Variants in PCP4 observed in about 807,000 individuals in gnomAD.
PCP4 encodes Purkinje cell protein 4, also known as calmodulin regulator protein PCP4.
Under a neutral mutation model 10.0 loss-of-function variants are expected in PCP4, and 8 were observed. That is an observed-to-expected ratio of 0.80 (90% CI 0.47 to 1.45). The LOEUF is 1.45. Among genes scored for constraint, PCP4 ranks in the 40% most tolerant of loss-of-function variants. PCP4 has a pLI of 0.00. For missense variants in PCP4, 54 were observed against 74.4 expected, an observed-to-expected ratio of 0.73 and a Z score of 1.01; for synonymous variants, 21 against 23.0, an observed-to-expected ratio of 0.91 and a Z score of 0.24.
chr21:39,920,402 TTGTG>T (rs766707236), intron 2 of PCP4, among the ~76,000 whole-genome samples: 21 of 149,168 alleles, frequency 1.4e-4, no homozygotes, highest in South Asian at 4.3e-4. Flanking sequence ...CGTGGTGTGT[TTGTG>T]TGAGTGTGTG....
At chr21:39,904,416 G>A (rs185404927) in intron 2 of PCP4, among the ~76,000 whole-genome samples, 84 of 152,270 alleles carry the variant, frequency 5.5e-4, no homozygotes, top group Non-Finnish European at 9.0e-4. Context: ...GTAAGGCTTC[G>A]TGTGCAAGGC....
chr21:39,876,650 G>T (rs1053910558), intron 1 of PCP4, among the ~76,000 whole-genome samples: 2 of 152,196 alleles, frequency 1.3e-5, no homozygotes, highest in South Asian at 4.1e-4. Context: ...AAGTGATGAT[G>T]TCATTATCAA....
intron 1 of PCP4, among the ~76,000 whole-genome samples, chr21:39,896,006 C>A (rs145844089): frequency 6.6e-6 from 1 of 152,166 alleles, no homozygotes; most frequent in African/African-American, 2.4e-5. Flanking sequence ...CCTTCACCTA[C>A]GACATAAATC....
rs558368535 is a variant in PCP4, at chr21:39,895,047, CCATCCATCCATT to C, written c.10-3422_10-3411del. ...TCTACTCATCTGTTCATCTATCCAT[CCATCCATCCATT>C]CATCCACACACCCATTCATCCATCC... On this transcript the variant is annotated intron_variant, in intron 1 of 2. Transcript: ENST00000328619. 7.2e-5 allele frequency among the ~76,000 whole-genome samples: 11 copies of C among 152,256 alleles called. No homozygotes were observed. In the South Asian group the frequency reaches 2.3e-3, roughly 32 times the overall value.
At chr21:39,926,009 G>A (rs746741752) in intron 2 of PCP4, 7 of 456,050 alleles carry the variant, frequency 1.5e-5, no homozygotes, top group South Asian at 1.1e-4. Context: ...TGAACCCTGT[G>A]CCACCGAGTC....
At chr21:39,880,112 A>ATATCTATATCTG (rs1390369445) in intron 1 of PCP4, among the ~76,000 whole-genome samples, 4 of 147,144 alleles carry the variant, frequency 2.7e-5, no homozygotes, top group South Asian at 2.1e-4. Flanking sequence ...ATATCTATCT[A>ATATCTATATCTG]TATCTATATC....
At chr21:39,919,772 G>T (rs2087585830) in intron 2 of PCP4, among the ~76,000 whole-genome samples, 1 of 149,986 alleles carries the variant, frequency 6.7e-6, no homozygotes, top group Non-Finnish European at 1.5e-5. Flanking sequence ...ATTTGTGTAT[G>T]TGTGGTATGT....
chr21:39,869,124 T>C (rs1048883987), intron 1 of PCP4, among the ~76,000 whole-genome samples: 3 of 152,152 alleles, frequency 2.0e-5, no homozygotes, highest in African/African-American at 4.8e-5. Flanking sequence ...AAGAGTTTCC[T>C]ATAGAAGAAG....
chr21:39,922,759 G>C (rs1471634193), intron 2 of PCP4, among the ~76,000 whole-genome samples: 1 of 152,230 alleles, frequency 6.6e-6, no homozygotes, highest in Non-Finnish European at 1.5e-5. Context: ...GTAATGGACA[G>C]GTAGCTAGAT....
At chr21:39,908,092 A>G (rs954194489) in intron 2 of PCP4, among the ~76,000 whole-genome samples, 9 of 152,184 alleles carry the variant, frequency 5.9e-5, no homozygotes, top group Non-Finnish European at 1.0e-4. Flanking sequence ...ATTTTTGTAT[A>G]CAAATTCTGG....
At chr21:39,903,682 C>T (rs1036892394) in intron 2 of PCP4, among the ~76,000 whole-genome samples, 1 of 151,870 alleles carries the variant, frequency 6.6e-6, no homozygotes, top group African/African-American at 2.4e-5. Flanking sequence ...TCCTGGCTAA[C>T]ACGGTGAAAC....
chr21:39,914,402 C>G (rs1232670534), intron 2 of PCP4, among the ~76,000 whole-genome samples: 1 of 151,696 alleles, frequency 6.6e-6, no homozygotes, highest in Non-Finnish European at 1.5e-5. Context: ...GGTGGAACAC[C>G]ATCTCTACTA....
In PCP4 at chr21:39,929,149, A is replaced by G. The variant is rs9152; in HGVS notation, c.*38A>G. Reference sequence around the variant, plus strand: ...CTCCTAGTCCACCTGAAAACACCAAATTCAACCATCATCTGTCAAGAAATT... The same window carrying G: ...CTCCTAGTCCACCTGAAAACACCAAGTTCAACCATCATCTGTCAAGAAATT... On this transcript the variant is annotated 3_prime_UTR_variant, in exon 3 of 3. Transcript: ENST00000328619. 6.3e-7 allele frequency: 1 copy of G among 1,583,704 alleles called. No homozygotes were observed. Among genetic ancestry groups the G allele is most frequent in the South Asian group, 1.1e-5 (1 of 87,264 alleles).
At chr21:39,924,597 G>C (rs117967963) in intron 2 of PCP4, among the ~76,000 whole-genome samples, 1 of 152,218 alleles carries the variant, frequency 6.6e-6, no homozygotes, top group East Asian at 1.9e-4. Context: ...GAGTACAGTG[G>C]TGCAATCATA....
intron 1 of PCP4, among the ~76,000 whole-genome samples, chr21:39,888,121 A>C (rs1338364419): frequency 6.6e-6 from 1 of 152,228 alleles, no homozygotes; most frequent in Admixed American, 6.5e-5. Context: ...GCACAAAAAG[A>C]AGACAGCACT....
At chr21:39,872,504 G>C (rs2087325380) in intron 1 of PCP4, among the ~76,000 whole-genome samples, 1 of 151,974 alleles carries the variant, frequency 6.6e-6, no homozygotes, top group Non-Finnish European at 1.5e-5. Flanking sequence ...CTTCATACTG[G>C]GAGAAAAGAA....
intron 1 of PCP4, among the ~76,000 whole-genome samples, chr21:39,890,305 A>G (rs1352012402): frequency 6.6e-6 from 1 of 152,232 alleles, no homozygotes; most frequent in Non-Finnish European, 1.5e-5. Flanking sequence ...AGACAGAAGG[A>G]AATATCGGTC....
At position 39,899,837 on chromosome 21, in the gene PCP4, C is replaced by G. The variant is rs78092402; in HGVS notation, c.61+1310C>G. Among the ~76,000 whole-genome samples, 374 of 152,148 alleles carry G rather than the reference C, an allele frequency of 2.5e-3. 1 individual carries two copies. Among genetic ancestry groups the G allele is most frequent in the African/African-American group, 8.7e-3 (363 of 41,514 alleles). ...AAGGATGGGGCTTAAAAGGGAGGAGCAATATTGTAGTTGCCTATATGAGGA... is the reference window on the plus strand; with the variant it reads ...AAGGATGGGGCTTAAAAGGGAGGAGGAATATTGTAGTTGCCTATATGAGGA... On this transcript the variant is annotated intron_variant, in intron 2 of 2. Transcript: ENST00000328619.
At chr21:39,905,776 C>T (rs751034196) in intron 2 of PCP4, among the ~76,000 whole-genome samples, 17 of 152,190 alleles carry the variant, frequency 1.1e-4, no homozygotes, top group East Asian at 5.8e-4. Flanking sequence ...TGGCCGGGCA[C>T]GGTGGATCAT....
Sources: gnomAD v4.1 joint callset for allele counts (sites outside exome capture counted in the v4.1 genomes callset) on GRCh38, gnomAD v4.1.1 for gene constraint, MANE v1.5 for transcripts, NCBI Gene and HGNC (gene_info 2026-07-23, HGNC 2026-07-21) for gene names.